The following TANC1 variants were observed in gnomAD, a reference collection of about 807,000 sequenced individuals.
The protein encoded by TANC1 is protein TANC1.
TANC1 carries 77 observed loss-of-function variants against 149.7 expected under a neutral mutation model. The ratio of observed to expected loss-of-function variants is 0.51; its 90% CI spans 0.43 to 0.62. TANC1 has a LOEUF of 0.62. TANC1 is among the 20% of genes least tolerant of loss of function. TANC1 has a pLI of 0.00. For missense variants in TANC1, 1,985 were observed against 2,321.8 expected (o/e 0.85, Z 2.98); for synonymous variants, 854 against 925.0 (o/e 0.92, Z 1.39).
chr2:159,178,423 A>G (rs2150536617), intron 13 of TANC1, 133 bp from the exon 14 acceptor site: 1 of 1,069,464 alleles, frequency 9.4e-7, no homozygotes, highest in Non-Finnish European at 1.3e-6. Flanking sequence ...ACGTTTTAAT[A>G]CAAAACAATG....
chr2:159,129,057 C>CA (rs1424696998), intron 4 of TANC1, among the ~76,000 whole-genome samples: 5 of 151,978 alleles, frequency 3.3e-5, no homozygotes, highest in Admixed American at 2.0e-4. Context: ...GTTCAGGATG[C>CA]AAAAAAATCC....
chr2:158,990,115 C>T (rs945727160), intron 1 of TANC1, among the ~76,000 whole-genome samples: 10 of 152,092 alleles, frequency 6.6e-5, no homozygotes, highest in African/African-American at 2.4e-4. Context: ...TGGGGTTTCA[C>T]TATGTTGGCC....
rs1244351844 is a variant in TANC1 at position 159,175,200 on chromosome 2, T to A, written c.1735+16T>A. The A allele has an allele frequency of 3.1e-6, 5 of 1,598,956 alleles. No homozygotes were observed. The highest frequency in any genetic ancestry group is 4.3e-6 in the Non-Finnish European group (5 of 1,166,420). On this transcript the variant is annotated intron_variant, in intron 12 of 26. Coordinates refer to ENST00000263635, the MANE Select transcript of TANC1 (RefSeq NM_033394.3). ...CTGAGAAATGGTACTTCGCAGCAGCTACCCACAGCCCCATCTCAGTAGTGG... is the reference window on the plus strand; with the variant it reads ...CTGAGAAATGGTACTTCGCAGCAGCAACCCACAGCCCCATCTCAGTAGTGG...
chr2:159,091,295 G>A (rs986536925), intron 3 of TANC1, among the ~76,000 whole-genome samples: 10 of 152,044 alleles, frequency 6.6e-5, no homozygotes, highest in Non-Finnish European at 1.2e-4. Flanking sequence ...CTGAAAAGGG[G>A]GCTAATAGCA....
chr2:159,157,894 T>C (rs2053599644), intron 7 of TANC1, among the ~76,000 whole-genome samples: 1 of 152,236 alleles, frequency 6.6e-6, no homozygotes. Context: ...ACTTGACATA[T>C]GCCCTTATGT....
intron 1 of TANC1, among the ~76,000 whole-genome samples, chr2:158,992,840 T>C (rs1266814230): frequency 6.6e-6 from 1 of 152,146 alleles, no homozygotes; most frequent in Non-Finnish European, 1.5e-5. Flanking sequence ...ATTTCATGCA[T>C]TTCCCCAGGT....
At chr2:159,160,808 C>A (rs1405609363) in intron 7 of TANC1, among the ~76,000 whole-genome samples, 1 of 152,214 alleles carries the variant, frequency 6.6e-6, no homozygotes, top group Non-Finnish European at 1.5e-5. Context: ...GCCTCTTCTT[C>A]CTCACTAGTC....
At chr2:159,076,985 GTT>G (rs368212119) in intron 3 of TANC1, among the ~76,000 whole-genome samples, 1 of 142,320 alleles carries the variant, frequency 7.0e-6, no homozygotes, top group African/African-American at 2.6e-5. Context: ...CGTTCATTTT[GTT>G]TTTTTTTTTC....
intron 8 of TANC1, among the ~76,000 whole-genome samples, 196 bp from the exon 9 acceptor site, chr2:159,169,054 G>A (rs2054902871): frequency 6.6e-6 from 1 of 152,100 alleles, no homozygotes; most frequent in East Asian, 1.9e-4. Context: ...AGAAAAAGAA[G>A]CATTTGGTTT....
Position 159,172,178 on chromosome 2 carries a change from C to T in TANC1, c.1409C>T (p.Thr470Ile), listed in dbSNP as rs367936448. ...CCGTTGCTTTCACCGAGTTCTTCCA[C>T]AAGTGCTTCCAGCACAGCTAAAACA... Reference protein sequence around the residue: ...FTPLLSPSSSTSASSTAKTPL... With the variant: ...FTPLLSPSSSISASSTAKTPL... Residue 470 changes from threonine (T) to isoleucine (I), a missense_variant, in exon 11 of 27, where the codon ACA becomes ATA. Around this residue, in one of 3 missense-constraint regions of TANC1, gnomAD observed 557 missense variants for 612.9 expected, o/e 0.91. Coordinates refer to ENST00000263635, the MANE Select transcript of TANC1 (RefSeq NM_033394.3). 1.7e-5 allele frequency: 27 copies of T among 1,614,108 alleles called. No homozygotes were observed. The African/African-American group carries it at 3.5e-4, about 21-fold the overall frequency.
intron 4 of TANC1, among the ~76,000 whole-genome samples, chr2:159,116,454 C>CAACAACAAA (rs1553559680): frequency 1.9e-3 from 265 of 140,462 alleles, no homozygotes; most frequent in South Asian, 7.5e-3. Flanking sequence ...ACAACAACAA[C>CAACAACAAA]AAAAAAAAAA....
chr2:159,141,274 C>G (rs549124257), intron 5 of TANC1, among the ~76,000 whole-genome samples: 15 of 152,322 alleles, frequency 9.8e-5, no homozygotes, highest in Admixed American at 9.8e-4. Context: ...TTTATAAGGT[C>G]ACTAATCCCA....
Position 159,033,244 on chromosome 2 carries a change from G to A in TANC1, c.-16+32055G>A, listed in dbSNP as rs144610845. Among the ~76,000 whole-genome samples, 387 of 152,282 alleles carry A rather than the reference G, an allele frequency of 2.5e-3. 1 individual carries two copies. Among genetic ancestry groups the A allele is most frequent in the African/African-American group, 8.4e-3 (348 of 41,554 alleles). ...TGATTTAAGTCAGGGGCTTGGTGTC[G>A]GGAGGGTGGGATCCAAGTGGGATTC... is the stretch of plus-strand genomic sequence containing the variant. On this transcript the variant is annotated intron_variant, in intron 2 of 26. Transcript: ENST00000263635.
chr2:158,969,996 A>C (rs1212517763), intron 1 of TANC1, among the ~76,000 whole-genome samples: 1 of 152,172 alleles, frequency 6.6e-6, no homozygotes, highest in Non-Finnish European at 1.5e-5. Flanking sequence ...ATGGAAGCTG[A>C]GTCTTAACGT....
intron 4 of TANC1, among the ~76,000 whole-genome samples, chr2:159,109,221 C>T (rs1472647824): frequency 6.6e-6 from 1 of 152,174 alleles, no homozygotes; most frequent in Admixed American, 6.5e-5. Context: ...ATGAGTGTGT[C>T]TGTCTGCCCC....
intron 2 of TANC1, among the ~76,000 whole-genome samples, chr2:159,015,793 G>A (rs974446791): frequency 3.3e-5 from 5 of 152,130 alleles, no homozygotes; most frequent in African/African-American, 9.7e-5. Context: ...CATAACAGGA[G>A]TCACCTTTGC....
rs1340948118 is a variant in TANC1, at chr2:159,231,076, T to G, written c.*64T>G. 1.7e-5 allele frequency: 22 copies of G among 1,327,670 alleles called. No homozygotes were observed. The East Asian group carries it at 5.2e-4, about 31-fold the overall frequency. 82.2% of individuals were successfully genotyped at this position (1,327,670 alleles called of 1,614,324 possible). On this transcript the variant is annotated 3_prime_UTR_variant, in exon 27 of 27. Coordinates refer to ENST00000263635, the MANE Select transcript of TANC1 (RefSeq NM_033394.3). Reference sequence around the variant, plus strand: ...TGTTGACTCCTGGTGGTAAATTAAATAGTTTTTTTCATCAGAAAAATTATT... The same window carrying G: ...TGTTGACTCCTGGTGGTAAATTAAAGAGTTTTTTTCATCAGAAAAATTATT...
At chr2:159,178,357 A>G (rs745446596) in intron 13 of TANC1, among the ~76,000 whole-genome samples, 199 bp from the exon 14 acceptor site, 2 of 152,196 alleles carry the variant, frequency 1.3e-5, no homozygotes, top group Non-Finnish European at 2.9e-5. Context: ...TACTGATTCC[A>G]TCTCCCATCA....
At chr2:159,006,493 G>A (rs1315507259) in intron 2 of TANC1, among the ~76,000 whole-genome samples, 2 of 152,032 alleles carry the variant, frequency 1.3e-5, no homozygotes, top group Non-Finnish European at 2.9e-5. Context: ...AATCCTTTAA[G>A]TAAAATACTT....
Sources: gnomAD v4.1 joint callset for allele counts (sites outside exome capture counted in the v4.1 genomes callset) on GRCh38, gnomAD v4.1.1 for gene constraint, gnomAD v4.1.1 regional missense constraint, MANE v1.5 for transcripts, NCBI Gene and HGNC (gene_info 2026-07-23, HGNC 2026-07-21) for gene names.